EPB41: variants seen among roughly 807,000 people sequenced by gnomAD.
EPB41 encodes erythrocyte membrane protein band 4.1.
Under a neutral mutation model 108.0 loss-of-function variants are expected in EPB41, and 65 were observed. That is an observed-to-expected ratio of 0.60 (90% CI 0.49 to 0.74). The LOEUF (loss-of-function observed/expected upper bound fraction) is 0.74. Ranked by LOEUF, EPB41 falls within the 30% of genes least tolerant of loss-of-function variation. EPB41 has a pLI of 0.00. For synonymous variants in EPB41, 336 were observed against 358.9 expected (o/e 0.94, Z 0.72); for missense variants, 875 against 1,037.0 (o/e 0.84, Z 2.15).
At chr1:28,950,182 G>T (rs2094656694) in intron 1 of EPB41, among the ~76,000 whole-genome samples, 1 of 152,170 alleles carries the variant, frequency 6.6e-6, no homozygotes, top group South Asian at 2.1e-4. Context: ...GAGTAGAATT[G>T]CTGAGTCATA....
At chr1:28,912,431 C>G (rs964499142), upstream of EPB41, among the ~76,000 whole-genome samples, 2 of 152,042 alleles carry the variant, frequency 1.3e-5, no homozygotes, top group African/African-American at 4.8e-5. Flanking sequence ...ATTTACATAA[C>G]GTGCTCAGCT....
intron 1 of EPB41, among the ~76,000 whole-genome samples, chr1:28,959,192 G>A (rs1336136968): frequency 6.6e-6 from 1 of 151,454 alleles, no homozygotes; most frequent in African/African-American, 2.4e-5. Flanking sequence ...TAGCTACTAC[G>A]GAGCCTTTAA....
chr1:29,095,054 G>A (rs1207667411), intron 16 of EPB41, among the ~76,000 whole-genome samples: 1 of 152,174 alleles, frequency 6.6e-6, no homozygotes, highest in Non-Finnish European at 1.5e-5. Flanking sequence ...GTCTGTACAT[G>A]TTCAGCATAG....
chr1:29,036,348 C>T (rs976852428), intron 10 of EPB41, among the ~76,000 whole-genome samples: 9 of 150,882 alleles, frequency 6.0e-5, no homozygotes, highest in African/African-American at 2.2e-4. Flanking sequence ...CAACCTCCGC[C>T]TCCCGGGTTC....
At chr1:29,069,608 T>A (rs1650256175) in intron 16 of EPB41, 2 of 250,862 alleles carry the variant, frequency 8.0e-6, no homozygotes, top group Admixed American at 6.1e-5. Flanking sequence ...CTGTTGTTTT[T>A]AAAGTCTATA....
chr1:29,033,300 A>AT, intron 9 of EPB41, 55 bp downstream of exon 9: 5 of 1,590,658 alleles, frequency 3.1e-6, no homozygotes, highest in Non-Finnish European at 4.3e-6. Flanking sequence ...TATCTGAAAT[A>AT]TCTACATTTC....
intron 1 of EPB41, among the ~76,000 whole-genome samples, chr1:28,888,179 C>T (rs2089668972): frequency 6.6e-6 from 1 of 152,258 alleles, no homozygotes; most frequent in Non-Finnish European, 1.5e-5. Flanking sequence ...CCCTTCTCCG[C>T]CTCTGGAGCC....
At chr1:28,924,494 A>G (rs1355056119) in intron 1 of EPB41, among the ~76,000 whole-genome samples, 2 of 151,966 alleles carry the variant, frequency 1.3e-5, no homozygotes, top group African/African-American at 4.8e-5. Context: ...GTGCCACTGC[A>G]CTCCAGCTCT....
rs2151765189 is a variant in EPB41, at chr1:29,115,552, A to G, written c.2497-147A>G. The G allele has an allele frequency of 4.3e-6, 3 of 700,272 alleles. No individual in the cohort carries two copies. The highest frequency in any genetic ancestry group is 4.7e-4 in the Middle Eastern group (2 of 4,212). The allele number at this position is 700,272 out of a possible 1,614,324, so 43.4% of individuals were successfully genotyped here. A position where few individuals can be genotyped will look rare whatever the true frequency, so the allele number is the denominator to read the frequency against. On this transcript the variant is annotated intron_variant, in intron 19 of 20. Coordinates refer to ENST00000343067, the MANE Select transcript of EPB41 (RefSeq NM_001376013.1). This position sits in a 1 kb window ranked among gnomAD's most constrained non-coding sequence, Gnocchi z 4.4. ...TATGCAGGATAGGGTGGGTAAGGTAATTATCAGCTTGGCTTAGCCTAAAGC... is the reference window on the plus strand; with the variant it reads ...TATGCAGGATAGGGTGGGTAAGGTAGTTATCAGCTTGGCTTAGCCTAAAGC...
chr1:28,888,124 A>G (rs1414015101), intron 1 of EPB41, among the ~76,000 whole-genome samples: 1 of 152,164 alleles, frequency 6.6e-6, no homozygotes, highest in African/African-American at 2.4e-5. Flanking sequence ...GGGTTGGGGA[A>G]GATGATTCTA....
At position 29,117,597 on chromosome 1, in the gene EPB41, G is replaced by A. The variant is rs41266203; in HGVS notation, c.*785G>A. On this transcript the variant is annotated 3_prime_UTR_variant, in exon 21 of 21. Transcript: ENST00000343067. ...ATCAGAAGCAGTGGCTCAGCTAAGT[G>A]CTCCCCCTAGCTCCCATCTCAGGAG... The A allele has an allele frequency of 0.017, 2,540 of 152,700 alleles. 19 individuals are homozygous for A. The highest frequency in any genetic ancestry group is 0.026 in the Non-Finnish European group (1,788 of 68,026). The allele number at this position is 152,700 out of a possible 1,614,324, so 9.5% of individuals were successfully genotyped here.
At chr1:29,105,173 A>G (rs1004239996) in intron 17 of EPB41, among the ~76,000 whole-genome samples, 4 of 152,096 alleles carry the variant, frequency 2.6e-5, no homozygotes, top group African/African-American at 9.7e-5. Context: ...AGTATTGCTT[A>G]GTTTTGCCTG....
At chr1:29,080,400 C>A (rs562750758) in intron 16 of EPB41, among the ~76,000 whole-genome samples, 83 of 150,384 alleles carry the variant, frequency 5.5e-4, no homozygotes, top group Admixed American at 5.4e-3. Flanking sequence ...CTGTGCCTGG[C>A]CCCTTTTTTT....
At chr1:29,010,606 T>A (rs978419005) in intron 4 of EPB41, among the ~76,000 whole-genome samples, 1 of 152,176 alleles carries the variant, frequency 6.6e-6, no homozygotes, top group Non-Finnish European at 1.5e-5. Context: ...CTATGAAAGA[T>A]GTTAATGGTG....
At chr1:28,961,914 G>T (rs148994659) in intron 1 of EPB41, among the ~76,000 whole-genome samples, 1 of 151,952 alleles carries the variant, frequency 6.6e-6, no homozygotes, top group Non-Finnish European at 1.5e-5. Context: ...CCCATCATGG[G>T]TTTATAGCTT....
rs1054992257 is a variant in EPB41, at chr1:28,890,937, T to A, written c.-8+3727T>A. ...TGTTTGACCCCTGCTGGAGCAAAGC[T>A]CTGAGCTCTGGGATCTTGAGGCTGG... On this transcript the variant is annotated intron_variant, in intron 1 of 16. Transcript: ENST00000347529. 21 of 985,338 alleles carry A rather than the reference T, an allele frequency of 2.1e-5. No homozygotes were observed. The African/African-American group carries it at 3.5e-4, about 16-fold the overall frequency. 61.0% of individuals were successfully genotyped at this position (985,338 alleles called of 1,614,324 possible). A position where few individuals can be genotyped will look rare whatever the true frequency, so the allele number is the denominator to read the frequency against.
In EPB41 at chr1:29,056,594, C is replaced by T. The variant is rs539027057; in HGVS notation, c.1846-1995C>T. 7.2e-5 allele frequency among the ~76,000 whole-genome samples: 11 copies of T among 152,154 alleles called. No individual in the cohort carries two copies. The South Asian group carries it at 2.3e-3, about 32-fold the overall frequency. The stretch of plus-strand genomic sequence containing the variant: ...AGGCTGGAGTGCAATGGTGCGATCT[C>T]AGCTCACTGCAACCTCCGCCTCTCA... On this transcript the variant is annotated intron_variant, in intron 12 of 20. Coordinates refer to ENST00000343067, the MANE Select transcript of EPB41 (RefSeq NM_001376013.1).
chr1:29,087,117 A>C (rs1489453756), intron 16 of EPB41, among the ~76,000 whole-genome samples: 1 of 150,712 alleles, frequency 6.6e-6, no homozygotes, highest in African/African-American at 2.4e-5. Flanking sequence ...AATTTTTTGG[A>C]GTTTTAGTAG....
At chr1:29,096,313 C>G in intron 16 of EPB41, 1 of 985,848 alleles carries the variant, frequency 1.0e-6, no homozygotes, top group Non-Finnish European at 1.2e-6. Context: ...CCTTTGGCTC[C>G]CTCTCCATAA....
Sources: allele counts gnomAD v4.1 joint callset (sites outside exome capture counted in the v4.1 genomes callset), GRCh38; gene constraint gnomAD v4.1.1; non-coding constraint Gnocchi (gnomAD v3.1); transcripts MANE v1.5; gene names NCBI Gene and HGNC (gene_info 2026-07-23, HGNC 2026-07-21).